CHCHD3: variants seen among roughly 807,000 people sequenced by gnomAD.
CHCHD3 encodes MICOS complex subunit MIC19.
In CHCHD3, 20 loss-of-function variants were observed where a neutral mutation model predicts 38.2. That is an observed-to-expected ratio of 0.52 (90% CI 0.37 to 0.76). The LOEUF is 0.76. Among genes scored for constraint, CHCHD3 ranks in the 30% least tolerant of loss-of-function variants. The pLI, the probability that CHCHD3 is intolerant of heterozygous loss-of-function variation, is 0.00. For synonymous variants in CHCHD3, 82 were observed against 100.0 expected, an observed-to-expected ratio of 0.82 and a Z score of 1.07; for missense variants, 245 against 279.2, an observed-to-expected ratio of 0.88 and a Z score of 0.87.
intron 4 of CHCHD3, among the ~76,000 whole-genome samples, chr7:132,931,756 C>G (rs1387038089): frequency 1.3e-5 from 2 of 152,100 alleles, no homozygotes; most frequent in African/African-American, 4.8e-5. Context: ...CTCTGACTGA[C>G]CAGTGTAAAT....
chr7:132,956,446 CAGACATAAA>C (rs1275334654), intron 4 of CHCHD3, among the ~76,000 whole-genome samples: 1 of 152,148 alleles, frequency 6.6e-6, no homozygotes, highest in Non-Finnish European at 1.5e-5. Flanking sequence ...CACATCAGTA[CAGACATAAA>C]GAAGAGCGAG....
intron 2 of CHCHD3, among the ~76,000 whole-genome samples, chr7:133,043,328 T>C (rs940594922): frequency 1.3e-5 from 2 of 152,160 alleles, no homozygotes; most frequent in Admixed American, 1.3e-4. Flanking sequence ...AAAACTGACT[T>C]AACTGTTACA....
At position 133,082,012 on chromosome 7, in the gene CHCHD3, G is replaced by T; in HGVS notation, c.-75C>A. 2.3e-6 allele frequency: 3 copies of T among 1,319,102 alleles called. No homozygotes were observed. Among genetic ancestry groups the T allele is most frequent in the Non-Finnish European group, 3.1e-6 (3 of 971,980 alleles). The allele number at this position is 1,319,102 out of a possible 1,614,324, so 81.7% of individuals were successfully genotyped here. A position where few individuals can be genotyped will look rare whatever the true frequency, so the allele number is the denominator to read the frequency against. The stretch of plus-strand genomic sequence containing the variant: ...TCGGGGCCCCCGCACCCACACGCGC[G>T]TGGAAGGGCCTGGATTCTTTTCCCG... On this transcript the variant is annotated 5_prime_UTR_variant, in exon 1 of 8. Coordinates refer to ENST00000262570, the MANE Select transcript of CHCHD3 (RefSeq NM_017812.4).
At chr7:132,805,332 T>G (rs1806888742) in intron 6 of CHCHD3, among the ~76,000 whole-genome samples, 4 of 143,266 alleles carry the variant, frequency 2.8e-5, no homozygotes, top group South Asian at 2.4e-4. Flanking sequence ...GGGGAAGGGG[T>G]AGTCTGGGGG....
intron 4 of CHCHD3, among the ~76,000 whole-genome samples, chr7:132,889,276 T>C (rs771264229): frequency 2.0e-5 from 3 of 152,064 alleles, no homozygotes; most frequent in Non-Finnish European, 2.9e-5. Context: ...ACCCTGGCTA[T>C]TAAAACACTC....
intron 4 of CHCHD3, among the ~76,000 whole-genome samples, chr7:132,929,705 A>G (rs1709538711): frequency 6.6e-6 from 1 of 152,170 alleles, no homozygotes; most frequent in South Asian, 2.1e-4. Context: ...TCCACACTGC[A>G]GTCATCTTTT....
intron 4 of CHCHD3, among the ~76,000 whole-genome samples, chr7:132,970,176 C>A (rs1229680715): frequency 6.6e-6 from 1 of 152,172 alleles, no homozygotes; most frequent in Non-Finnish European, 1.5e-5. Context: ...GTAGTGTCCC[C>A]CTATCCCCAC....
intron 4 of CHCHD3, among the ~76,000 whole-genome samples, chr7:132,891,150 T>C (rs1182311818): frequency 2.0e-5 from 3 of 152,230 alleles, no homozygotes; most frequent in Non-Finnish European, 4.4e-5. Context: ...ATGTATTCAA[T>C]TAATTGAATT....
At chr7:132,995,397 T>C (rs993121829) in intron 3 of CHCHD3, among the ~76,000 whole-genome samples, 16 of 152,318 alleles carry the variant, frequency 1.1e-4, no homozygotes, top group African/African-American at 3.4e-4. Flanking sequence ...ACTTAATATA[T>C]AGTCCACCCT....
At chr7:132,955,681 G>C (rs1162235492) in intron 4 of CHCHD3, among the ~76,000 whole-genome samples, 1 of 152,082 alleles carries the variant, frequency 6.6e-6, no homozygotes, top group Non-Finnish European at 1.5e-5. Context: ...TTATTCAAGA[G>C]GGCCCATGGC....
chr7:133,034,174 A>C (rs1439586180), intron 2 of CHCHD3, among the ~76,000 whole-genome samples: 1 of 152,216 alleles, frequency 6.6e-6, no homozygotes, highest in Non-Finnish European at 1.5e-5. Context: ...ATATATGACA[A>C]TATCAGAATG....
chr7:132,944,122 C>T (rs1047508091), intron 4 of CHCHD3, among the ~76,000 whole-genome samples: 2 of 152,010 alleles, frequency 1.3e-5, no homozygotes, highest in Non-Finnish European at 2.9e-5. Flanking sequence ...GAAAATAAGT[C>T]ATCAATATCA....
intron 4 of CHCHD3, among the ~76,000 whole-genome samples, chr7:132,970,465 G>C (rs769861105): frequency 6.6e-6 from 1 of 152,148 alleles, no homozygotes; most frequent in East Asian, 1.9e-4. Context: ...TGCAAACATA[G>C]CAATTAGTTA....
chr7:132,997,195 TCA>T (rs1485110129), intron 3 of CHCHD3, among the ~76,000 whole-genome samples: 34 of 152,152 alleles, frequency 2.2e-4, no homozygotes, highest in African/African-American at 7.7e-4. Context: ...TCCATTTCTA[TCA>T]TTTTTGAAAG....
rs900166002 is a variant in CHCHD3, at chr7:132,815,599, C to A, written c.525-19022G>T. 4 of 456,088 alleles carry A rather than the reference C, an allele frequency of 8.8e-6. No homozygotes were observed. The Admixed American group carries it at 9.4e-5, about 11-fold the overall frequency. The allele number at this position is 456,088 out of a possible 1,614,324, so 28.3% of individuals were successfully genotyped here. On this transcript the variant is annotated intron_variant, in intron 6 of 7. Transcript: ENST00000262570. ...GACAAGAGGTAACAAAATAAAGAGT[C>A]CTGTTTTGTGATATTTCATTTCACC...
At chr7:132,957,388 C>T (rs140348926) in intron 4 of CHCHD3, among the ~76,000 whole-genome samples, 1,599 of 152,354 alleles carry the variant, frequency 0.01, 12 homozygotes, top group South Asian at 0.066. Context: ...TGGGGCCAAA[C>T]TGGGAAATGG....
chr7:132,859,654 G>A (rs867796668), intron 5 of CHCHD3, among the ~76,000 whole-genome samples: 1 of 152,146 alleles, frequency 6.6e-6, no homozygotes. Context: ...AAAGATGATG[G>A]AGAACTGCTT....
intron 4 of CHCHD3, among the ~76,000 whole-genome samples, chr7:132,953,389 G>T (rs1811079583): frequency 6.6e-6 from 1 of 152,130 alleles, no homozygotes; most frequent in African/African-American, 2.4e-5. Flanking sequence ...CTTCCAGACT[G>T]CCCTGAGGGA....
intron 7 of CHCHD3, among the ~76,000 whole-genome samples, chr7:132,786,612 C>A (rs1175297837): frequency 6.6e-6 from 1 of 152,058 alleles, no homozygotes. Flanking sequence ...CTCAGAGAGG[C>A]AAGGTGAGGC....
Sources: gnomAD v4.1 joint callset for allele counts (sites outside exome capture counted in the v4.1 genomes callset) on GRCh38, gnomAD v4.1.1 for gene constraint, MANE v1.5 for transcripts, NCBI Gene and HGNC (gene_info 2026-07-23, HGNC 2026-07-21) for gene names.